The following EYS variants were observed in gnomAD, a reference collection of about 807,000 sequenced individuals.
EYS encodes protein eyes shut homolog.
In EYS, 250 loss-of-function variants were observed where a neutral mutation model predicts 282.1. That is an observed-to-expected ratio of 0.89 (90% confidence interval 0.80 to 0.98). The LOEUF is 0.98. Among genes scored for constraint, EYS ranks in the 50% least tolerant of loss-of-function variants. The pLI is 0.00. For missense variants in EYS, 4,016 were observed against 3,709.0 expected (o/e 1.08, Z -2.15); for synonymous variants, 1,355 against 1,282.9 (o/e 1.06, Z -1.20).
chr6:65,074,652 C>T (rs553976214), intron 12 of EYS, among the ~76,000 whole-genome samples: 1 of 152,124 alleles, frequency 6.6e-6, no homozygotes, highest in East Asian at 1.9e-4. Context: ...GCAGTAATAT[C>T]AATGTCAAAC....
intron 14 of EYS, among the ~76,000 whole-genome samples, chr6:64,985,919 G>T (rs1193710598): frequency 1.3e-5 from 2 of 151,432 alleles, no homozygotes; most frequent in South Asian, 2.1e-4. Flanking sequence ...CCAGCAGTCT[G>T]CTCTACTCAG....
intron 19 of EYS, among the ~76,000 whole-genome samples, chr6:64,827,032 C>T (rs74719914): frequency 0.058 from 8,863 of 151,706 alleles, 269 homozygotes; most frequent in East Asian, 0.1. Context: ...TACAATCAAC[C>T]GTGGAGTTTT....
At position 64,950,813 on chromosome 6, in the gene EYS, A is replaced by G. The variant is rs1562272704; in HGVS notation, c.2260-4899T>C. 2.8e-5 allele frequency among the ~76,000 whole-genome samples: 3 copies of G among 107,106 alleles called. 1 individual carries two copies. The highest frequency in any genetic ancestry group is 9.4e-5 in the African/African-American group (3 of 31,760). 70.3% of individuals were successfully genotyped at this position (107,106 alleles called of 152,430 possible). A position where few individuals can be genotyped will look rare whatever the true frequency, so the allele number is the denominator to read the frequency against. ...TATACATATACATATATATATATAT[A>G]TATATATATATATATATATATTGTT... On this transcript the variant is annotated intron_variant, in intron 14 of 42. Transcript: ENST00000503581.
At chr6:65,406,989 T>C (rs1766773011) in intron 5 of EYS, among the ~76,000 whole-genome samples, 1 of 152,116 alleles carries the variant, frequency 6.6e-6, no homozygotes, top group Non-Finnish European at 1.5e-5. Context: ...AGCTTGTCAA[T>C]TTCTACACAG....
At chr6:64,232,701 C>A (rs1377950854) in intron 30 of EYS, among the ~76,000 whole-genome samples, 1 of 152,062 alleles carries the variant, frequency 6.6e-6, no homozygotes, top group Non-Finnish European at 1.5e-5. Flanking sequence ...CTGTACCACA[C>A]TACTAAAGAA....
intron 1 of EYS, among the ~76,000 whole-genome samples, chr6:65,667,090 T>A (rs1768227262): frequency 6.6e-6 from 1 of 151,894 alleles, no homozygotes; most frequent in African/African-American, 2.4e-5. Flanking sequence ...AAAGTGATTT[T>A]AAAAATGCAA....
chr6:65,302,190 G>A (rs1330211457), intron 11 of EYS, among the ~76,000 whole-genome samples: 1 of 152,160 alleles, frequency 6.6e-6, no homozygotes. Flanking sequence ...CAGTAGTTGG[G>A]AGATGTTTTA....
At chr6:63,974,874 A>G (rs1283606604) in intron 35 of EYS, among the ~76,000 whole-genome samples, 1 of 152,078 alleles carries the variant, frequency 6.6e-6, no homozygotes, top group Non-Finnish European at 1.5e-5. Flanking sequence ...ACACTCAAGG[A>G]TGGCAGTAAT....
chr6:65,297,642 A>G (rs1232291711), intron 11 of EYS, among the ~76,000 whole-genome samples: 1 of 151,992 alleles, frequency 6.6e-6, no homozygotes, highest in Admixed American at 6.6e-5. Flanking sequence ...TCTCAGCTGC[A>G]CATCTATTTC....
chr6:64,057,266 A>T (rs1354272954), intron 33 of EYS, among the ~76,000 whole-genome samples: 1 of 152,184 alleles, frequency 6.6e-6, no homozygotes, highest in African/African-American at 2.4e-5. Flanking sequence ...TTAAATTGTA[A>T]AACAATTTAT....
intron 26 of EYS, among the ~76,000 whole-genome samples, chr6:64,475,569 A>AG (rs1282300613): frequency 1.4e-5 from 1 of 70,898 alleles, no homozygotes; most frequent in African/African-American, 4.2e-5. Flanking sequence ...AAAAAAAAAA[A>AG]AAAAGAAAAG....
chr6:64,936,339 C>T (rs567189795), intron 15 of EYS, among the ~76,000 whole-genome samples: 63 of 151,578 alleles, frequency 4.2e-4, no homozygotes, highest in African/African-American at 1.4e-3. Context: ...CAGCTAACAT[C>T]ATACTTTATG....
intron 33 of EYS, among the ~76,000 whole-genome samples, chr6:64,014,069 A>C (rs1768770867): frequency 6.6e-6 from 1 of 152,126 alleles, no homozygotes; most frequent in South Asian, 2.1e-4. Context: ...CAGGACTTAA[A>C]ACATTGATTT....
intron 35 of EYS, among the ~76,000 whole-genome samples, chr6:63,943,442 C>T (rs1007371535): frequency 2.0e-5 from 3 of 152,162 alleles, no homozygotes; most frequent in South Asian, 2.1e-4. Context: ...TTTTGCCTAG[C>T]TTGATTCTGC....
At chr6:64,800,888 A>AT (rs1774524142) in intron 22 of EYS, among the ~76,000 whole-genome samples, 1 of 152,142 alleles carries the variant, frequency 6.6e-6, no homozygotes, top group East Asian at 1.9e-4. Flanking sequence ...AATTTTGAAC[A>AT]TTTTTTCACA....
intron 41 of EYS, among the ~76,000 whole-genome samples, chr6:63,734,440 T>C (rs1202484790): frequency 6.6e-6 from 1 of 152,110 alleles, no homozygotes; most frequent in African/African-American, 2.4e-5. Flanking sequence ...AGTTAAACAA[T>C]ATCGCTTTGG....
chr6:65,075,453 T>C lies in EYS; in HGVS notation c.2024-17726A>G, dbSNP rs184034068. 1.4e-3 allele frequency among the ~76,000 whole-genome samples: 208 copies of C among 152,140 alleles called. 2 individuals are homozygous for C. Among genetic ancestry groups the C allele is most frequent in the African/African-American group, 4.7e-3 (197 of 41,560 alleles). On this transcript the variant is annotated intron_variant, in intron 12 of 42. Coordinates refer to ENST00000503581, the MANE Select transcript of EYS (RefSeq NM_001142800.2). ...AACTTTTAAACAATTCATAACAATA[T>C]AGTTGCTAATTTATGTGTTTTTCTA...
intron 22 of EYS, among the ~76,000 whole-genome samples, chr6:64,752,060 A>G (rs914418500): frequency 6.6e-6 from 1 of 152,142 alleles, no homozygotes; most frequent in African/African-American, 2.4e-5. Flanking sequence ...TTCTGGAACT[A>G]TGAAAACAAC....
chr6:63,830,116 C>G (rs1189709148), intron 36 of EYS, among the ~76,000 whole-genome samples: 1 of 152,104 alleles, frequency 6.6e-6, no homozygotes, highest in East Asian at 1.9e-4. Context: ...TGGGGAGAAA[C>G]CAGAGCAGAA....
Sources: gnomAD v4.1 joint callset for allele counts (sites outside exome capture counted in the v4.1 genomes callset) on GRCh38, gnomAD v4.1.1 for gene constraint, MANE v1.5 for transcripts, NCBI Gene and HGNC (gene_info 2026-07-23, HGNC 2026-07-21) for gene names.